The following HEATR5A variants were observed in gnomAD, a reference collection of about 807,000 sequenced individuals.
The protein encoded by HEATR5A is HEAT repeat-containing protein 5A.
A neutral mutation model predicts 218.8 loss-of-function variants in HEATR5A; 178 were observed. The ratio of observed to expected loss-of-function variants is 0.81; its 90% CI spans 0.72 to 0.92. The LOEUF (loss-of-function observed/expected upper bound fraction) is 0.92, where lower values mean the gene tolerates loss of function less well. HEATR5A is among the 40% of genes least tolerant of loss of function. HEATR5A has a pLI of 0.00. For synonymous variants in HEATR5A, 864 were observed against 871.6 expected (o/e 0.99, Z 0.15); for missense variants, 2,420 against 2,418.9 (o/e 1.00, Z -0.01).
intron 13 of HEATR5A, among the ~76,000 whole-genome samples, chr14:31,366,486 C>A (rs1396235176): frequency 6.6e-6 from 1 of 151,982 alleles, no homozygotes; most frequent in Admixed American, 6.6e-5. Context: ...AAATTTAGTT[C>A]AGAGAAGTGT....
intron 10 of HEATR5A, among the ~76,000 whole-genome samples, chr14:31,381,246 C>T (rs761474161): frequency 9.2e-5 from 14 of 151,848 alleles, no homozygotes; most frequent in Non-Finnish European, 2.1e-4. Context: ...GAGACTCAGT[C>T]TCAACAACAA....
At chr14:31,321,997 T>A (rs922286184) in intron 24 of HEATR5A, among the ~76,000 whole-genome samples, 2 of 152,200 alleles carry the variant, frequency 1.3e-5, no homozygotes, top group African/African-American at 4.8e-5. Context: ...TTAGTTGGTA[T>A]GGAGGAGACT....
intron 1 of HEATR5A, among the ~76,000 whole-genome samples, chr14:31,408,479 A>T (rs1236449265): frequency 6.6e-6 from 1 of 152,216 alleles, no homozygotes; most frequent in East Asian, 1.9e-4. Flanking sequence ...CTTTAACAAA[A>T]ATCACTCCCT....
chr14:31,322,161 G>T (rs1400001382), intron 24 of HEATR5A, among the ~76,000 whole-genome samples: 1 of 152,136 alleles, frequency 6.6e-6, no homozygotes, highest in Non-Finnish European at 1.5e-5. Context: ...AATGGTGGGA[G>T]TATAAAAAAC....
At chr14:31,413,274 T>G (rs1421598163) in intron 1 of HEATR5A, among the ~76,000 whole-genome samples, 1 of 151,464 alleles carries the variant, frequency 6.6e-6, no homozygotes, top group Non-Finnish European at 1.5e-5. Flanking sequence ...CAGGGTGGAG[T>G]AGGAGAGAAA....
intron 9 of HEATR5A, among the ~76,000 whole-genome samples, chr14:31,386,043 T>A (rs2030206582): frequency 6.6e-6 from 1 of 152,178 alleles, no homozygotes; most frequent in Non-Finnish European, 1.5e-5. Flanking sequence ...TATATCTGAA[T>A]AAAGCTATTA....
chr14:31,396,826 T>C (rs182361772), intron 4 of HEATR5A, among the ~76,000 whole-genome samples: 1 of 152,202 alleles, frequency 6.6e-6, no homozygotes, highest in Admixed American at 6.5e-5. Flanking sequence ...ATTTAAAAAA[T>C]AGGGGAGCAA....
In HEATR5A at chr14:31,400,468, C is replaced by T. The variant is rs1357822513; in HGVS notation, c.171G>A (p.Leu57=). ...EKQKTLVEQL[L]SLLNSSPGPP... ...GCCCTGGGGAGCTGTTCAACAAAGA[C>T]AGGAGCTGTTCAACAAGAGTCTTCT... Residue 57 remains leucine (L), a synonymous_variant, in exon 3 of 36, where the codon CTG becomes CTA. Coordinates refer to ENST00000543095, the MANE Select transcript of HEATR5A (RefSeq NM_015473.4). 9 of 1,535,810 alleles carry T rather than the reference C, an allele frequency of 5.9e-6. No homozygotes were observed. The highest frequency in any genetic ancestry group is 2.7e-5 in the African/African-American group (2 of 73,038).
intron 6 of HEATR5A, among the ~76,000 whole-genome samples, chr14:31,391,066 A>AT (rs201056143): frequency 6.6e-6 from 1 of 152,084 alleles, no homozygotes; most frequent in African/African-American, 2.4e-5. Flanking sequence ...GTTAAAAAAA[A>AT]TTTTTTTAAT....
chr14:31,298,817 A>G (rs1034507647), intron 33 of HEATR5A, among the ~76,000 whole-genome samples: 1 of 151,902 alleles, frequency 6.6e-6, no homozygotes, highest in African/African-American at 2.4e-5. Context: ...GTCACCTTAA[A>G]AAAAAGTTAT....
chr14:31,295,074 A>G (rs1455431704), intron 34 of HEATR5A, among the ~76,000 whole-genome samples: 1 of 152,190 alleles, frequency 6.6e-6, no homozygotes, highest in Non-Finnish European at 1.5e-5. Flanking sequence ...TGGTTCCTGT[A>G]TCTTCAGGAG....
At chr14:31,371,308 A>T (rs773077469) in intron 13 of HEATR5A, among the ~76,000 whole-genome samples, 14 of 152,320 alleles carry the variant, frequency 9.2e-5, no homozygotes, top group Non-Finnish European at 2.1e-4. Context: ...CCATATCTTA[A>T]ATGTATTTTC....
chr14:31,404,736 G>A (rs116283206), intron 1 of HEATR5A, among the ~76,000 whole-genome samples: 1,987 of 151,662 alleles, frequency 0.013, 53 homozygotes, highest in African/African-American at 0.046. Flanking sequence ...TAACATAGAC[G>A]GACTTTGTCT....
chr14:31,299,874 C>CA (rs536807534), intron 33 of HEATR5A, among the ~76,000 whole-genome samples: 1,403 of 128,618 alleles, frequency 0.011, 22 homozygotes, highest in African/African-American at 0.036. Flanking sequence ...ACTAAAAATA[C>CA]AAAAAAAAAA....
chr14:31,303,560 G>A (rs1394806454), intron 32 of HEATR5A, among the ~76,000 whole-genome samples: 1 of 152,132 alleles, frequency 6.6e-6, no homozygotes, highest in Non-Finnish European at 1.5e-5. Flanking sequence ...GATTTAATTG[G>A]AAACAAGACA....
At chr14:31,404,665 G>C (rs1030217933) in intron 1 of HEATR5A, among the ~76,000 whole-genome samples, 1 of 152,068 alleles carries the variant, frequency 6.6e-6, no homozygotes, top group African/African-American at 2.4e-5. Context: ...CCAGCACTTC[G>C]GGTAGCTGAG....
chr14:31,305,233 C>A, intron 31 of HEATR5A, 56 bp from the exon 32 acceptor site: 1 of 1,540,122 alleles, frequency 6.5e-7, no homozygotes, highest in South Asian at 1.2e-5. Flanking sequence ...TGGTAGATGG[C>A]AATTTAGTTA....
At chr14:31,383,458 C>T in intron 10 of HEATR5A, 63 bp downstream of exon 10, 2 of 1,477,772 alleles carry the variant, frequency 1.4e-6, no homozygotes, top group Non-Finnish European at 1.8e-6. Flanking sequence ...AATTCTGTTA[C>T]TATGTGAAGA....
At chr14:31,345,809 G>A (rs979719663) in intron 19 of HEATR5A, among the ~76,000 whole-genome samples, 1 of 152,146 alleles carries the variant, frequency 6.6e-6, no homozygotes, top group African/African-American at 2.4e-5. Flanking sequence ...TGTGTATGGG[G>A]TATTGATAAT....
Sources: allele counts gnomAD v4.1 joint callset (sites outside exome capture counted in the v4.1 genomes callset), GRCh38; gene constraint gnomAD v4.1.1; transcripts MANE v1.5; gene names NCBI Gene and HGNC (gene_info 2026-07-23, HGNC 2026-07-21).